Variants in ABLIM2 observed in about 807,000 individuals in gnomAD.
ABLIM2 encodes actin-binding LIM protein 2.
Under a neutral mutation model 97.7 loss-of-function variants are expected in ABLIM2, and 53 were observed. The ratio of observed to expected loss-of-function variants is 0.54; its 90% CI spans 0.44 to 0.68. The LOEUF is 0.68. ABLIM2 is among the 30% of genes least tolerant of loss of function. The probability of loss-of-function intolerance (pLI) is 0.00; values close to 1 mark genes in which losing one functional copy is unlikely to be tolerated. For missense variants in ABLIM2, 835 were observed against 867.2 expected (o/e 0.96, Z 0.47); for synonymous variants, 361 against 345.8 (o/e 1.04, Z -0.49).
intron 2 of ABLIM2, among the ~76,000 whole-genome samples, chr4:8,099,415 G>T (rs553452796): frequency 6.6e-6 from 1 of 152,274 alleles, no homozygotes; most frequent in South Asian, 2.1e-4. Flanking sequence ...TGGTTCTGGT[G>T]CCCCACTCCA....
chr4:8,091,923 T>C (rs1313054670), intron 3 of ABLIM2, among the ~76,000 whole-genome samples: 3 of 120,644 alleles, frequency 2.5e-5, no homozygotes, highest in Non-Finnish European at 4.8e-5. Flanking sequence ...TTATAATATA[T>C]AATGTATATT....
intron 6 of ABLIM2, among the ~76,000 whole-genome samples, chr4:8,070,058 T>C (rs1440408716): frequency 6.6e-6 from 1 of 152,084 alleles, no homozygotes; most frequent in Admixed American, 6.6e-5. Flanking sequence ...TGTATCTGTG[T>C]ATCTGAGTGT....
At chr4:8,109,637 G>A (rs1333804367) in intron 1 of ABLIM2, among the ~76,000 whole-genome samples, 1 of 152,208 alleles carries the variant, frequency 6.6e-6, no homozygotes, top group East Asian at 1.9e-4. Flanking sequence ...GGAGGAACCT[G>A]GGTCATGCTG....
At chr4:8,109,115 C>T (rs1039512075) in intron 1 of ABLIM2, among the ~76,000 whole-genome samples, 1 of 152,262 alleles carries the variant, frequency 6.6e-6, no homozygotes, top group Non-Finnish European at 1.5e-5. Context: ...TGGCCCCCCA[C>T]CGCCTGTCCC....
At chr4:8,041,551 T>A (rs531422716) in intron 9 of ABLIM2, 1 of 150,840 alleles carries the variant, frequency 6.6e-6, no homozygotes, top group East Asian at 2.0e-4. Context: ...GCTCACTGCA[T>A]GCACACACAG....
chr4:8,049,966 G>T (rs1435395584), intron 8 of ABLIM2, among the ~76,000 whole-genome samples: 1 of 152,172 alleles, frequency 6.6e-6, no homozygotes, highest in African/African-American at 2.4e-5. Flanking sequence ...GACCTCAAAT[G>T]ATCCACCAAC....
chr4:7,993,021 G>C, intron 16 of ABLIM2, 94 bp from the exon 17 acceptor site: 4 of 1,349,296 alleles, frequency 3.0e-6, no homozygotes, highest in Non-Finnish European at 4.2e-6. Context: ...GGGTGGGCAA[G>C]GCTGGGCAAG....
In ABLIM2 at chr4:8,015,791, T is replaced by C. The variant is rs1161035898; in HGVS notation, c.1423+3827A>G. ...CAAATCTGGTGAACTATGAGGACTG[T>C]CCCTGCATCTGGAGAGTCGAACTTA... is the stretch of plus-strand genomic sequence containing the variant. On this transcript the variant is annotated intron_variant, in intron 14 of 20. Transcript: ENST00000447017. The surrounding 1 kb of genome is among the most constrained non-coding windows in gnomAD (Gnocchi z 4.6). 6.6e-6 allele frequency among the ~76,000 whole-genome samples: 1 copy of C among 152,162 alleles called. No homozygotes were observed. The highest frequency in any genetic ancestry group is 2.4e-5 in the African/African-American group (1 of 41,438).
In ABLIM2 at chr4:7,987,798, T is replaced by C. The variant is rs565297842; in HGVS notation, c.1681-2905A>G. On this transcript the variant is annotated intron_variant, in intron 17 of 20. Transcript: ENST00000447017. ...CAGGGAAAGTGGGGTCTACTTCCGG[T>C]CTTGTAAGTGCGAAGTGGGGATGGG... 3.3e-5 allele frequency among the ~76,000 whole-genome samples: 5 copies of C among 152,176 alleles called. No individual in the cohort carries two copies. The East Asian group carries it at 9.7e-4, about 29-fold the overall frequency.
At chr4:8,084,996 C>A (rs1333290906) in intron 4 of ABLIM2, among the ~76,000 whole-genome samples, 1 of 152,128 alleles carries the variant, frequency 6.6e-6, no homozygotes, top group Non-Finnish European at 1.5e-5. Context: ...CGGGAAGGGG[C>A]AGAGCTTCAG....
intron 16 of ABLIM2, among the ~76,000 whole-genome samples, chr4:8,000,370 T>C (rs1756269896): frequency 6.6e-6 from 1 of 152,092 alleles, no homozygotes; most frequent in African/African-American, 2.4e-5. Context: ...ACATGCTCCC[T>C]GGCAGGACTG....
chr4:7,989,891 G>A (rs905619694), intron 17 of ABLIM2, among the ~76,000 whole-genome samples: 10 of 152,172 alleles, frequency 6.6e-5, no homozygotes, highest in African/African-American at 2.2e-4. Context: ...TTACCCACAG[G>A]GAGAGAAGCA....
intron 1 of ABLIM2, among the ~76,000 whole-genome samples, chr4:8,144,905 G>A (rs778421308): frequency 3.9e-5 from 6 of 152,246 alleles, no homozygotes; most frequent in Non-Finnish European, 8.8e-5. Flanking sequence ...GTTCCCTATT[G>A]GCCTGAGAAT....
chr4:8,036,338 G>A lies in ABLIM2; in HGVS notation c.901-43C>T, dbSNP rs915569490. 7.5e-6 allele frequency: 12 copies of A among 1,603,660 alleles called. No individual in the cohort carries two copies. The East Asian group carries it at 2.7e-4, about 36-fold the overall frequency. ...ATTGGGGAGGGGACAGTCACCAGATGCACCCCAGAGGGCAGCACCCCCAAA... is the reference window on the plus strand; with the variant it reads ...ATTGGGGAGGGGACAGTCACCAGATACACCCCAGAGGGCAGCACCCCCAAA... On this transcript the variant is annotated intron_variant, in intron 9 of 20. Transcript: ENST00000447017.
chr4:7,989,009 T>C (rs1258150833), intron 17 of ABLIM2, among the ~76,000 whole-genome samples: 1 of 152,076 alleles, frequency 6.6e-6, no homozygotes. Flanking sequence ...TTTGATTGTT[T>C]GCTATTTGTA....
At chr4:7,983,162 C>T in intron 20 of ABLIM2, 102 bp downstream of exon 20, 2 of 1,234,386 alleles carry the variant, frequency 1.6e-6, no homozygotes, top group Admixed American at 2.0e-5. Flanking sequence ...CACTGTCCCC[C>T]ACGGTGGCCC....
At chr4:7,993,642 A>C (rs1222818451) in intron 16 of ABLIM2, among the ~76,000 whole-genome samples, 1 of 152,202 alleles carries the variant, frequency 6.6e-6, no homozygotes, top group Non-Finnish European at 1.5e-5. Flanking sequence ...ACACCACTGC[A>C]CTGCAGCCTG....
intron 1 of ABLIM2, among the ~76,000 whole-genome samples, chr4:8,134,068 G>A (rs1849831801): frequency 6.6e-6 from 1 of 152,184 alleles, no homozygotes; most frequent in African/African-American, 2.4e-5. Context: ...CGGGCGGATG[G>A]GCCTCATGAG....
intron 9 of ABLIM2, among the ~76,000 whole-genome samples, chr4:8,037,496 T>C (rs1015370883): frequency 6.6e-6 from 1 of 151,528 alleles, no homozygotes; most frequent in African/African-American, 2.4e-5. Flanking sequence ...ACCCACACAC[T>C]GACACGTGCT....
Sources: allele counts gnomAD v4.1 joint callset (sites outside exome capture counted in the v4.1 genomes callset), GRCh38; gene constraint gnomAD v4.1.1; non-coding constraint Gnocchi (gnomAD v3.1); transcripts MANE v1.5; gene names NCBI Gene and HGNC (gene_info 2026-07-23, HGNC 2026-07-21).